The following IQGAP1 variants were observed in gnomAD, a reference collection of about 807,000 sequenced individuals.
The protein encoded by IQGAP1 is ras GTPase-activating-like protein IQGAP1.
In IQGAP1, 66 loss-of-function variants were observed where a neutral mutation model predicts 215.6. That is an observed-to-expected ratio of 0.31 (90% CI 0.25 to 0.38). The LOEUF is 0.38. IQGAP1 is among the 10% of genes least tolerant of loss of function. The pLI, the probability that IQGAP1 is intolerant of heterozygous loss-of-function variation, is 1.00. For synonymous variants in IQGAP1, 772 were observed against 728.7 expected (o/e 1.06, Z -0.96); for missense variants, 1,712 against 1,997.1 (o/e 0.86, Z 2.72).
At chr15:90,464,227 C>G (rs1039270045) in intron 15 of IQGAP1, among the ~76,000 whole-genome samples, 27 of 152,280 alleles carry the variant, frequency 1.8e-4, no homozygotes, top group African/African-American at 6.5e-4. Context: ...AAACATGACT[C>G]TCACAACCTG....
chr15:90,487,550 G>C lies in IQGAP1; in HGVS notation c.4216G>C (p.Glu1406Gln). The change falls in exon 33 of 38, where the codon GAA becomes CAA. Residue 1406 changes from glutamate to glutamine, a missense_variant. Transcript: ENST00000268182. ...IRFQPGETLTEILETPATSEQ... is the reference protein window; with the variant it reads ...IRFQPGETLTQILETPATSEQ... ...GTTCCAGCCAGGAGAGACCTTGACT[G>C]AAATCCTAGAAACACCAGCCACCAG... 1 of 1,614,014 alleles carries C rather than the reference G, an allele frequency of 6.2e-7. No homozygotes were observed. Among genetic ancestry groups the C allele is most frequent in the Non-Finnish European group, 8.5e-7 (1 of 1,179,902 alleles).
chr15:90,461,806 G>T (rs183003785), intron 15 of IQGAP1, among the ~76,000 whole-genome samples: 31 of 152,138 alleles, frequency 2.0e-4, no homozygotes, highest in Non-Finnish European at 4.0e-4. Flanking sequence ...CAGCCTGGGT[G>T]ACAGCGAAGC....
chr15:90,495,576 C>T (rs1966260031), intron 36 of IQGAP1, among the ~76,000 whole-genome samples: 1 of 151,422 alleles, frequency 6.6e-6, no homozygotes, highest in Non-Finnish European at 1.5e-5. Flanking sequence ...ACACGACTCA[C>T]CCACTTATGT....
At position 90,500,229 on chromosome 15, in the gene IQGAP1, C is replaced by G; in HGVS notation, c.*121C>G. On this transcript the variant is annotated 3_prime_UTR_variant, in exon 38 of 38. Transcript: ENST00000268182. ...CCAACAACAGCACCTCAATCTGATA[C>G]ACTCCCGATGCCACATTTTTAACTC... 3.2e-6 allele frequency: 2 copies of G among 626,694 alleles called. No individual in the cohort carries two copies. Among genetic ancestry groups the G allele is most frequent in the Non-Finnish European group, 2.9e-6 (1 of 345,274 alleles). The allele number at this position is 626,694 out of a possible 1,614,324, so 38.8% of individuals were successfully genotyped here.
chr15:90,485,170 C>T (rs954848275), intron 30 of IQGAP1, among the ~76,000 whole-genome samples: 1 of 152,112 alleles, frequency 6.6e-6, no homozygotes, highest in African/African-American at 2.4e-5. Flanking sequence ...GGAACAAGGG[C>T]ATATGTTAAA....
At chr15:90,394,482 A>G (rs752342957) in intron 2 of IQGAP1, among the ~76,000 whole-genome samples, 1 of 152,130 alleles carries the variant, frequency 6.6e-6, no homozygotes, top group Non-Finnish European at 1.5e-5. Context: ...GCCACCCCTA[A>G]AAAGTGTTGT....
chr15:90,402,928 G>T (rs1316115364), intron 2 of IQGAP1, among the ~76,000 whole-genome samples: 1 of 152,150 alleles, frequency 6.6e-6, no homozygotes, highest in Non-Finnish European at 1.5e-5. Context: ...CTTTAAAACA[G>T]CTAAAAGTAA....
intron 2 of IQGAP1, among the ~76,000 whole-genome samples, chr15:90,421,672 G>T (rs1476140183): frequency 1.3e-5 from 2 of 152,142 alleles, no homozygotes. Context: ...TATTCAGTAG[G>T]AGAATGAATT....
At chr15:90,417,046 T>G (rs1455562135) in intron 2 of IQGAP1, among the ~76,000 whole-genome samples, 2 of 152,236 alleles carry the variant, frequency 1.3e-5, no homozygotes, top group African/African-American at 2.4e-5. Flanking sequence ...TCCCCTACTT[T>G]GTGATGGGGT....
At chr15:90,453,416 T>C (rs1014854282) in intron 13 of IQGAP1, 124 bp downstream of exon 13, 1 of 708,930 alleles carries the variant, frequency 1.4e-6, no homozygotes, top group Non-Finnish European at 2.3e-6. Context: ...TTTGTTTGGT[T>C]CTACTTTGAT....
intron 30 of IQGAP1, 109 bp from the exon 31 acceptor site, chr15:90,485,921 T>C: frequency 1.3e-6 from 1 of 750,954 alleles, no homozygotes; most frequent in Non-Finnish European, 2.2e-6. Context: ...TTTCTTTGAA[T>C]ATAGGAACTT....
At chr15:90,439,869 T>G (rs1965424444) in intron 6 of IQGAP1, among the ~76,000 whole-genome samples, 1 of 152,144 alleles carries the variant, frequency 6.6e-6, no homozygotes, top group Non-Finnish European at 1.5e-5. Flanking sequence ...GTATTTGCTA[T>G]AGCCAGATGC....
At chr15:90,463,458 C>T (rs1965789912) in intron 15 of IQGAP1, among the ~76,000 whole-genome samples, 1 of 152,156 alleles carries the variant, frequency 6.6e-6, no homozygotes, top group African/African-American at 2.4e-5. Context: ...GGAGACTAGA[C>T]CATCAGCCCT....
chr15:90,467,136 A>G (rs1965843789), intron 17 of IQGAP1, among the ~76,000 whole-genome samples: 1 of 152,166 alleles, frequency 6.6e-6, no homozygotes, highest in South Asian at 2.1e-4. Flanking sequence ...GAGAGGCTGA[A>G]TGGTTGCACA....
At chr15:90,399,396 G>A (rs759112360) in intron 2 of IQGAP1, among the ~76,000 whole-genome samples, 1 of 152,012 alleles carries the variant, frequency 6.6e-6, no homozygotes, top group African/African-American at 2.4e-5. Context: ...ATTTTCTTAT[G>A]CAAATTTTCT....
intron 2 of IQGAP1, among the ~76,000 whole-genome samples, chr15:90,425,676 C>T (rs1002699263): frequency 2.0e-5 from 3 of 152,178 alleles, no homozygotes; most frequent in African/African-American, 7.2e-5. Flanking sequence ...TAGAAATTCA[C>T]TGTGGATTCT....
At chr15:90,426,814 G>A (rs914174870) in intron 3 of IQGAP1, among the ~76,000 whole-genome samples, 1 of 151,780 alleles carries the variant, frequency 6.6e-6, no homozygotes, top group Non-Finnish European at 1.5e-5. Context: ...TTAGCCGGGC[G>A]TGGTGGTGCA....
intron 2 of IQGAP1, among the ~76,000 whole-genome samples, chr15:90,418,607 CTG>C (rs1389350546): frequency 3.6e-4 from 54 of 152,108 alleles, no homozygotes; most frequent in African/African-American, 1.2e-3. Flanking sequence ...AATTAAAAGA[CTG>C]TAATTAAAGA....
At chr15:90,485,867 T>G (rs559728614) in intron 30 of IQGAP1, among the ~76,000 whole-genome samples, 163 bp from the exon 31 acceptor site, 14 of 152,318 alleles carry the variant, frequency 9.2e-5, no homozygotes, top group East Asian at 1.9e-4. Context: ...GCCTTATATA[T>G]CATATTGTTT....
Sources: allele counts gnomAD v4.1 joint callset (sites outside exome capture counted in the v4.1 genomes callset), GRCh38; gene constraint gnomAD v4.1.1; transcripts MANE v1.5; gene names NCBI Gene and HGNC (gene_info 2026-07-23, HGNC 2026-07-21).